The following DNAJC24 variants were observed in gnomAD, a reference collection of about 807,000 sequenced individuals.
DNAJC24 encodes the protein dnaJ homolog subfamily C member 24.
Under a neutral mutation model 18.0 loss-of-function variants are expected in DNAJC24, and 17 were observed. That is an observed-to-expected ratio of 0.94 (90% CI 0.65 to 1.42). The LOEUF (loss-of-function observed/expected upper bound fraction) is 1.42. DNAJC24 is among the 40% of genes most tolerant of loss of function. DNAJC24 has a pLI of 0.00. For synonymous variants in DNAJC24, 55 were observed against 57.7 expected, an observed-to-expected ratio of 0.95 and a Z score of 0.21; for missense variants, 158 against 175.6, an observed-to-expected ratio of 0.90 and a Z score of 0.57.
At position 31,432,811 on chromosome 11, in the gene DNAJC24, G is replaced by A. The variant is rs1372430212; in HGVS notation, c.*2410G>A. On this transcript the variant is annotated 3_prime_UTR_variant, in exon 5 of 5. Coordinates refer to ENST00000465995, the MANE Select transcript of DNAJC24 (RefSeq NM_181706.5). ...GTACATGAAATTATATGTGTGTGGTGTGTGAATAAATATGTATGAATATAT... is the reference window on the plus strand; with the variant it reads ...GTACATGAAATTATATGTGTGTGGTATGTGAATAAATATGTATGAATATAT... Among the ~76,000 whole-genome samples the A allele has an allele frequency of 6.6e-6, 1 of 152,196 alleles. No homozygotes were observed. Among genetic ancestry groups the A allele is most frequent in the African/African-American group, 2.4e-5 (1 of 41,448 alleles).
intron 3 of DNAJC24, among the ~76,000 whole-genome samples, chr11:31,417,505 CGA>C (rs1200844300): frequency 2.6e-5 from 4 of 151,898 alleles, no homozygotes; most frequent in Non-Finnish European, 5.9e-5. Flanking sequence ...GATAGGTTAC[CGA>C]GAGAGAGAGT....
rs1317063879 is a variant in DNAJC24, at chr11:31,369,869, C to G, written c.-77C>G. ...GAAGAAGCCGGTCCGGAGTTCTGGC[C>G]GACAGCAGGCGAGGAGTGGGTAGCA... On this transcript the variant is annotated 5_prime_UTR_variant, in exon 1 of 5. Coordinates refer to ENST00000465995, the MANE Select transcript of DNAJC24 (RefSeq NM_181706.5). 6.6e-6 allele frequency: 1 copy of G among 152,538 alleles called. No homozygotes were observed. Among genetic ancestry groups the G allele is most frequent in the South Asian group, 2.1e-4 (1 of 4,808 alleles). The allele number at this position is 152,538 out of a possible 1,614,324, so 9.4% of individuals were successfully genotyped here.
At chr11:31,402,846 A>G (rs563867861) in intron 2 of DNAJC24, among the ~76,000 whole-genome samples, 1 of 152,100 alleles carries the variant, frequency 6.6e-6, no homozygotes, top group Non-Finnish European at 1.5e-5. Flanking sequence ...TTAGTTTACA[A>G]CAGCATTTCT....
intron 2 of DNAJC24, among the ~76,000 whole-genome samples, chr11:31,391,862 C>G (rs1458971906): frequency 6.6e-6 from 1 of 152,150 alleles, no homozygotes; most frequent in Non-Finnish European, 1.5e-5. Context: ...AAGTGTACAT[C>G]AACAGACAAA....
At chr11:31,422,699 T>A (rs1952818670) in intron 3 of DNAJC24, among the ~76,000 whole-genome samples, 1 of 152,224 alleles carries the variant, frequency 6.6e-6, no homozygotes, top group Non-Finnish European at 1.5e-5. Context: ...TTAAAGCTAA[T>A]TACAGGGTTC....
At chr11:31,412,576 A>C (rs1167783195) in intron 2 of DNAJC24, among the ~76,000 whole-genome samples, 1 of 152,236 alleles carries the variant, frequency 6.6e-6, no homozygotes, top group African/African-American at 2.4e-5. Context: ...CCAACTTTAG[A>C]GATTGCCAAA....
intron 2 of DNAJC24, among the ~76,000 whole-genome samples, chr11:31,384,078 G>T (rs547240194): frequency 6.6e-6 from 1 of 152,242 alleles, no homozygotes; most frequent in African/African-American, 2.4e-5. Flanking sequence ...TGCTTTTACA[G>T]TGTTTTATAA....
chr11:31,376,551 G>A (rs557170810), intron 2 of DNAJC24, among the ~76,000 whole-genome samples: 129 of 152,242 alleles, frequency 8.5e-4, no homozygotes, highest in South Asian at 3.7e-3. Flanking sequence ...CTGTAAGATA[G>A]GCTTTGTTAC....
intron 2 of DNAJC24, among the ~76,000 whole-genome samples, chr11:31,382,759 G>T (rs61879925): frequency 0.28 from 43,182 of 151,932 alleles, 6,997 homozygotes; most frequent in Non-Finnish European, 0.35. Context: ...ACACCAATTG[G>T]GTGTCCTGTA....
At chr11:31,380,682 TATATGCA>T (rs1263462716) in intron 2 of DNAJC24, among the ~76,000 whole-genome samples, 1 of 152,214 alleles carries the variant, frequency 6.6e-6, no homozygotes, top group East Asian at 1.9e-4. Flanking sequence ...AGGTATAATT[TATATGCA>T]ATAAAGTGTA....
At chr11:31,401,525 C>G (rs1952601187) in intron 2 of DNAJC24, among the ~76,000 whole-genome samples, 1 of 151,890 alleles carries the variant, frequency 6.6e-6, no homozygotes, top group Non-Finnish European at 1.5e-5. Flanking sequence ...CATCCTCCTG[C>G]TTCCCCTCCG....
chr11:31,400,594 C>A (rs1193134951), intron 2 of DNAJC24, among the ~76,000 whole-genome samples: 1 of 152,224 alleles, frequency 6.6e-6, no homozygotes, highest in Non-Finnish European at 1.5e-5. Flanking sequence ...ACCATCTGAT[C>A]TTTGACAAAC....
chr11:31,411,741 C>A (rs1016666617), intron 2 of DNAJC24, among the ~76,000 whole-genome samples: 2 of 152,192 alleles, frequency 1.3e-5, no homozygotes, highest in African/African-American at 4.8e-5. Context: ...CCAGCAAAAT[C>A]TTCCCATTTC....
At chr11:31,418,590 G>T (rs1249390718) in intron 3 of DNAJC24, among the ~76,000 whole-genome samples, 3 of 152,046 alleles carry the variant, frequency 2.0e-5, no homozygotes, top group Non-Finnish European at 4.4e-5. Flanking sequence ...TAAAAGAATA[G>T]ATTGTGTTTG....
At chr11:31,399,964 A>C (rs757982807) in intron 2 of DNAJC24, among the ~76,000 whole-genome samples, 3 of 151,446 alleles carry the variant, frequency 2.0e-5, no homozygotes, top group Non-Finnish European at 4.4e-5. Context: ...CCCTGTGTCC[A>C]TGTGTTCTCA....
intron 2 of DNAJC24, among the ~76,000 whole-genome samples, chr11:31,377,843 T>G (rs2133468104): frequency 6.6e-6 from 1 of 152,240 alleles, no homozygotes; most frequent in African/African-American, 2.4e-5. Context: ...TGTTATAATA[T>G]GTTCTATAAT....
In DNAJC24 at chr11:31,377,335, TCTTA is replaced by T. The variant is rs543356949; in HGVS notation, c.111+6479_111+6482del. Among the ~76,000 whole-genome samples, 11 of 152,180 alleles carry T rather than the reference TCTTA, an allele frequency of 7.2e-5. 1 individual carries two copies. The South Asian group carries it at 2.3e-3, about 32-fold the overall frequency. ...CTCAGGGTCCTGATTCTGAAAAAAT[TCTTA>T]CTAATTGAGATATTTTAGAATACTT... On this transcript the variant is annotated intron_variant, in intron 2 of 4. Transcript: ENST00000465995.
At chr11:31,409,821 A>G (rs192435147) in intron 2 of DNAJC24, among the ~76,000 whole-genome samples, 192 of 151,852 alleles carry the variant, frequency 1.3e-3, no homozygotes, top group Non-Finnish European at 7.1e-4. Flanking sequence ...TGTCAGCAGT[A>G]TATGAGAATT....
chr11:31,424,500 TAGG>T (rs1261398921), intron 3 of DNAJC24, among the ~76,000 whole-genome samples: 9 of 152,170 alleles, frequency 5.9e-5, no homozygotes, highest in Admixed American at 5.9e-4. Context: ...TTTTTAAAAA[TAGG>T]AGTATCTGAA....
Sources: gnomAD v4.1 joint callset for allele counts (sites outside exome capture counted in the v4.1 genomes callset) on GRCh38, gnomAD v4.1.1 for gene constraint, MANE v1.5 for transcripts, NCBI Gene and HGNC (gene_info 2026-07-23, HGNC 2026-07-21) for gene names.